The following AURKA variants were observed in gnomAD, a reference collection of about 807,000 sequenced individuals.
The protein encoded by AURKA is aurora kinase A.
A neutral mutation model predicts 40.9 loss-of-function variants in AURKA; 12 were observed. That is an observed-to-expected ratio of 0.29 (90% CI 0.19 to 0.48). The LOEUF (loss-of-function observed/expected upper bound fraction) is 0.48, where lower values mean the gene tolerates loss of function less well. Ranked by LOEUF, AURKA falls within the 20% of genes least tolerant of loss-of-function variation. The probability of loss-of-function intolerance (pLI) is 0.99; values close to 1 mark genes in which losing one functional copy is unlikely to be tolerated. For missense variants in AURKA, 322 were observed against 462.1 expected, an observed-to-expected ratio of 0.70 and a Z score of 2.78; for synonymous variants, 170 against 164.3, an observed-to-expected ratio of 1.03 and a Z score of -0.26.
At chr20:56,378,421 T>C (rs1294043023) in intron 6 of AURKA, among the ~76,000 whole-genome samples, 1 of 152,202 alleles carries the variant, frequency 6.6e-6, no homozygotes, top group Non-Finnish European at 1.5e-5. Context: ...GGTGATTTCC[T>C]ACATTTGTAA....
At chr20:56,374,114 G>T (rs777275311) in intron 6 of AURKA, among the ~76,000 whole-genome samples, 1 of 151,884 alleles carries the variant, frequency 6.6e-6, no homozygotes, top group African/African-American at 2.4e-5. Context: ...AGTCATCTCT[G>T]CTAATACAGC....
chr20:56,389,587 CCTCTCCCCTGAA>C (rs1197163917), intron 1 of AURKA, among the ~76,000 whole-genome samples: 1 of 152,064 alleles, frequency 6.6e-6, no homozygotes, highest in African/African-American at 2.4e-5. Flanking sequence ...TCAGCCCAGA[CCTCTCCCCTGAA>C]CTCTTGATCT....
At chr20:56,376,584 G>A (rs753245835) in intron 6 of AURKA, among the ~76,000 whole-genome samples, 18 of 143,922 alleles carry the variant, frequency 1.3e-4, no homozygotes, top group South Asian at 2.3e-4. Context: ...CACACTACCC[G>A]GAGATCTCCA....
chr20:56,386,387 C>G lies in AURKA; in HGVS notation c.189G>C (p.Lys63Asn), dbSNP rs373634582. 14 of 1,614,012 alleles carry G rather than the reference C, an allele frequency of 8.7e-6. No individual in the cohort carries two copies. In the African/African-American group the frequency reaches 1.5e-4, roughly 17 times the overall value. Residue 63 changes from lysine (K) to asparagine (N), a missense_variant, in exon 3 of 9, where the codon AAG becomes AAC. Transcript: ENST00000395915. ...GAACCGGCTTGTGACTGGAGACAAG[C>G]TTTTGTGCTTGCAAAGGAATGCGCT... ...SSQRIPLQAQ[K>N]LVSSHKPVQN... is the part of the protein sequence containing the mutation.
intron 7 of AURKA, among the ~76,000 whole-genome samples, chr20:56,371,184 T>A (rs146106661): frequency 2.0e-5 from 3 of 152,096 alleles, no homozygotes; most frequent in Non-Finnish European, 4.4e-5. Flanking sequence ...TTAACCTGGC[T>A]GGGTGCAGTG....
intron 1 of AURKA, 71 bp from the exon 2 acceptor site, chr20:56,388,273 G>A: frequency 7.5e-7 from 1 of 1,340,456 alleles, no homozygotes; most frequent in South Asian, 1.2e-5. Flanking sequence ...TCGATAGGCA[G>A]CGTTACAGTT....
intron 6 of AURKA, among the ~76,000 whole-genome samples, chr20:56,379,942 G>A (rs1282658227): frequency 2.0e-5 from 3 of 148,172 alleles, no homozygotes; most frequent in East Asian, 3.9e-4. Flanking sequence ...CAGCCTGGGC[G>A]ACAGAGTGAG....
Position 56,373,929 on chromosome 20 carries a change from G to A in AURKA, c.706-373C>T, listed in dbSNP as rs569869238. ...CACACTTCAGCCTGGGTGACAGAAGGAGACCCTGTCTCAAAAAGGAAAAGA... is the reference window on the plus strand; with the variant it reads ...CACACTTCAGCCTGGGTGACAGAAGAAGACCCTGTCTCAAAAAGGAAAAGA... On this transcript the variant is annotated intron_variant, in intron 6 of 8. Transcript: ENST00000395915. The surrounding 1 kb of genome is among the most constrained non-coding windows in gnomAD (Gnocchi z 5.0). Among the ~76,000 whole-genome samples, 351 of 152,202 alleles carry A rather than the reference G, an allele frequency of 2.3e-3. 5 individuals carry two copies. Among genetic ancestry groups the A allele is most frequent in the Non-Finnish European group, 6.5e-4 (44 of 68,008 alleles).
rs1985707845 is a variant in AURKA at position 56,381,518 on chromosome 20, T to C, written c.620A>G (p.Tyr207Cys). The change falls in exon 6 of 9, where the codon TAC (tyrosine) becomes TGC (cysteine). Residue 207 changes from tyrosine to cysteine, a missense_variant. Tyr to Cys is a radical substitution (Grantham distance 194). Transcript: ENST00000395915. The part of the protein sequence containing the change: ...YGYFHDATRV[Y>C]LILEYAPLGT... ...AAGTGGTGCATATTCCAGAATTAGGTAGACTCTGGTAGCATCATGGAAATA... is the reference window on the plus strand; with the variant it reads ...AAGTGGTGCATATTCCAGAATTAGGCAGACTCTGGTAGCATCATGGAAATA... The C allele has an allele frequency of 1.2e-6, 2 of 1,613,636 alleles. No individual in the cohort carries two copies. Among genetic ancestry groups the C allele is most frequent in the Non-Finnish European group, 8.5e-7 (1 of 1,179,750 alleles).
intron 6 of AURKA, among the ~76,000 whole-genome samples, chr20:56,375,804 A>G (rs1361357644): frequency 1.3e-5 from 2 of 152,238 alleles, no homozygotes; most frequent in Non-Finnish European, 1.5e-5. Context: ...CCAGACAAGA[A>G]GCTATTAGTT....
chr20:56,385,901 A>G (rs887855096), intron 3 of AURKA, among the ~76,000 whole-genome samples: 1 of 152,176 alleles, frequency 6.6e-6, no homozygotes, highest in African/African-American at 2.4e-5. Context: ...AGCCTGCCTC[A>G]GTTCACCCAC....
In AURKA at chr20:56,370,493, T is replaced by C; in HGVS notation, c.1021A>G (p.Ile341Val). ...ANTYQETYKR[I>V]SRVEFTFPDF... ...TTTCAGTTGCGTCTTACCCGTGATATTCTTTTGTAGGTCTCTTGGTATGTG... is the reference window on the plus strand; with the variant it reads ...TTTCAGTTGCGTCTTACCCGTGATACTCTTTTGTAGGTCTCTTGGTATGTG... Residue 341 changes from isoleucine to valine, a missense_variant, in exon 8 of 9, where the codon ATA (isoleucine) becomes GTA (valine). Ile to Val is a conservative substitution (Grantham distance 29). Transcript: ENST00000395915. 1.9e-6 allele frequency: 3 copies of C among 1,614,246 alleles called. No individual in the cohort carries two copies. Among genetic ancestry groups the C allele is most frequent in the Non-Finnish European group, 2.5e-6 (3 of 1,180,048 alleles).
At chr20:56,372,604 G>A (rs921484458) in intron 7 of AURKA, among the ~76,000 whole-genome samples, 1 of 148,654 alleles carries the variant, frequency 6.7e-6, no homozygotes, top group Non-Finnish European at 1.5e-5. Flanking sequence ...GAAGTGCTCT[G>A]TAACAAAAGC....
Position 56,374,016 on chromosome 20 carries a change from TACACACACACAC to T in AURKA, c.706-472_706-461del, listed in dbSNP as rs11467339. Among the ~76,000 whole-genome samples, 496 of 147,610 alleles carry T rather than the reference TACACACACACAC, an allele frequency of 3.4e-3. 3 individuals are homozygous for T. The highest frequency in any genetic ancestry group is 0.011 in the African/African-American group (429 of 40,506). The stretch of plus-strand genomic sequence containing the variant: ...GGATTGTAGAAATTATATAGGAGTC[TACACACACACAC>T]ACACACACACACACACACACACATC... On this transcript the variant is annotated intron_variant, in intron 6 of 8. Transcript: ENST00000395915.
chr20:56,370,569 A>G lies in AURKA; in HGVS notation c.945T>C (p.Leu315=). Reference sequence around the variant, plus strand: ...CTAAAAATTCATAGCAAAGAACTCCAAGGCTCCAGAGATCCACCTTCTCAT... The same window carrying G: ...CTAAAAATTCATAGCAAAGAACTCCGAGGCTCCAGAGATCCACCTTCTCAT... ...MHDEKVDLWS[L]GVLCYEFLVG... is the part of the protein sequence containing the mutation. The change falls in exon 8 of 9, where the codon CTT becomes CTC. Residue 315 remains leucine, a synonymous_variant. Transcript: ENST00000395915. 6.2e-7 allele frequency: 1 copy of G among 1,614,196 alleles called. No homozygotes were observed. The highest frequency in any genetic ancestry group is 1.1e-5 in the South Asian group (1 of 91,090).
intron 6 of AURKA, among the ~76,000 whole-genome samples, chr20:56,375,471 C>T (rs1984818624): frequency 6.6e-6 from 1 of 152,048 alleles, no homozygotes; most frequent in Non-Finnish European, 1.5e-5. Flanking sequence ...ATACAGATAA[C>T]TGTTTGAATA....
intron 6 of AURKA, among the ~76,000 whole-genome samples, chr20:56,375,307 CTTTTT>C (rs59071872): frequency 6.1e-5 from 8 of 131,862 alleles, no homozygotes; most frequent in African/African-American, 2.0e-4. Context: ...TTTAATCTTT[CTTTTT>C]TTTTTTTTTT....
chr20:56,391,934 C>G (rs1468527905), intron 1 of AURKA: 3 of 143,670 alleles, frequency 2.1e-5, no homozygotes, highest in Non-Finnish European at 3.0e-5. Context: ...CTCAACAAAC[C>G]CCTTGTACCT....
chr20:56,380,606 C>A (rs1464395926), intron 6 of AURKA, among the ~76,000 whole-genome samples: 1 of 152,100 alleles, frequency 6.6e-6, no homozygotes, highest in African/African-American at 2.4e-5. Context: ...TTCATAGTAA[C>A]TTCCTTTGAA....
Sources: allele counts gnomAD v4.1 joint callset (sites outside exome capture counted in the v4.1 genomes callset), GRCh38; gene constraint gnomAD v4.1.1; non-coding constraint Gnocchi (gnomAD v3.1); transcripts MANE v1.5; gene names NCBI Gene and HGNC (gene_info 2026-07-23, HGNC 2026-07-21).